The following SORCS2 variants were observed in gnomAD, a reference collection of about 807,000 sequenced individuals.
The protein encoded by SORCS2 is sortilin related VPS10 domain containing receptor 2, also known as VPS10 domain-containing receptor SorCS2.
Under a neutral mutation model 141.6 loss-of-function variants are expected in SORCS2, and 100 were observed. That is an observed-to-expected ratio of 0.71 (90% CI 0.60 to 0.83). The LOEUF (loss-of-function observed/expected upper bound fraction) is 0.83. SORCS2 is among the 40% of genes least tolerant of loss of function. SORCS2 has a pLI of 0.00. For missense variants in SORCS2, 1,646 were observed against 1,560.2 expected (o/e 1.05, Z -0.93); for synonymous variants, 789 against 676.9 (o/e 1.17, Z -2.57).
intron 1 of SORCS2, among the ~76,000 whole-genome samples, chr4:7,228,133 A>C (rs28446641): frequency 0.069 from 10,566 of 152,194 alleles, 714 homozygotes; most frequent in East Asian, 0.27. Context: ...GACAAGATGT[A>C]GGCAGGGTTG....
chr4:7,200,190 C>T (rs780976000), intron 1 of SORCS2, among the ~76,000 whole-genome samples: 1 of 152,048 alleles, frequency 6.6e-6, no homozygotes, highest in Non-Finnish European at 1.5e-5. Context: ...GGGTGGGAAG[C>T]GGGACCACCA....
chr4:7,722,910 C>T (rs902575354), intron 18 of SORCS2, among the ~76,000 whole-genome samples: 6 of 152,056 alleles, frequency 3.9e-5, no homozygotes, highest in African/African-American at 1.2e-4. Context: ...CACTAGGAAA[C>T]GGTTTCCTCG....
chr4:7,474,933 C>G (rs183293171), intron 2 of SORCS2, among the ~76,000 whole-genome samples: 1 of 152,142 alleles, frequency 6.6e-6, no homozygotes, highest in African/African-American at 2.4e-5. Context: ...GGCTTACAGA[C>G]TCCTCCCCCA....
At chr4:7,265,099 G>A (rs1185412549) in intron 1 of SORCS2, among the ~76,000 whole-genome samples, 1 of 152,252 alleles carries the variant, frequency 6.6e-6, no homozygotes, top group African/African-American at 2.4e-5. Flanking sequence ...ATTCGGGGGT[G>A]TGTTAATGTC....
At chr4:7,366,129 G>A (rs1287839243) in intron 1 of SORCS2, among the ~76,000 whole-genome samples, 3 of 152,126 alleles carry the variant, frequency 2.0e-5, no homozygotes, top group Non-Finnish European at 2.9e-5. Context: ...CAGGCTCCCC[G>A]CACATCCCTG....
chr4:7,589,853 G>T (rs149796348), intron 3 of SORCS2, among the ~76,000 whole-genome samples: 438 of 152,322 alleles, frequency 2.9e-3, no homozygotes, highest in African/African-American at 9.6e-3. Context: ...AAATGGCAGA[G>T]CCAAATTTGA....
intron 2 of SORCS2, among the ~76,000 whole-genome samples, chr4:7,411,880 A>G (rs1374212947): frequency 6.6e-6 from 1 of 152,148 alleles, no homozygotes; most frequent in Non-Finnish European, 1.5e-5. Context: ...CAGACACCAC[A>G]GCCTCCCTTC....
intron 1 of SORCS2, among the ~76,000 whole-genome samples, chr4:7,377,196 G>A (rs960486878): frequency 2.6e-5 from 4 of 151,886 alleles, no homozygotes; most frequent in South Asian, 2.1e-4. Flanking sequence ...GATTTGTATC[G>A]TTGATTGAAT....
intron 3 of SORCS2, among the ~76,000 whole-genome samples, chr4:7,589,900 C>T (rs1716798280): frequency 6.6e-6 from 1 of 152,180 alleles, no homozygotes; most frequent in Non-Finnish European, 1.5e-5. Flanking sequence ...TAGAGCAGCG[C>T]AAATATGGAG....
intron 1 of SORCS2, among the ~76,000 whole-genome samples, chr4:7,352,028 A>T (rs1395558955): frequency 6.6e-6 from 1 of 151,906 alleles, no homozygotes; most frequent in Non-Finnish European, 1.5e-5. Flanking sequence ...CCATTAATCC[A>T]TTTATCTACC....
chr4:7,407,530 A>C (rs1725044070), intron 2 of SORCS2, among the ~76,000 whole-genome samples: 1 of 152,120 alleles, frequency 6.6e-6, no homozygotes, highest in South Asian at 2.1e-4. Context: ...AGTTGCATGG[A>C]ATAACTTTTT....
chr4:7,313,145 C>T (rs543967196), intron 1 of SORCS2, among the ~76,000 whole-genome samples: 21 of 152,382 alleles, frequency 1.4e-4, no homozygotes, highest in Admixed American at 4.6e-4. Context: ...AGCAAATGAG[C>T]TACCTCAATG....
intron 1 of SORCS2, among the ~76,000 whole-genome samples, chr4:7,295,955 C>G (rs571899580): frequency 6.6e-6 from 1 of 152,338 alleles, no homozygotes; most frequent in Non-Finnish European, 1.5e-5. Context: ...AGGGGCTTCC[C>G]TGAGGTTGAC....
intron 2 of SORCS2, among the ~76,000 whole-genome samples, chr4:7,506,120 G>T (rs1188657524): frequency 6.6e-6 from 1 of 152,140 alleles, no homozygotes; most frequent in Non-Finnish European, 1.5e-5. Context: ...TGATCCCAGT[G>T]GTAGGGACAC....
intron 4 of SORCS2, among the ~76,000 whole-genome samples, chr4:7,645,985 G>A (rs904076165): frequency 1.6e-4 from 25 of 152,194 alleles, no homozygotes; most frequent in African/African-American, 5.6e-4. Flanking sequence ...TTACTACCTG[G>A]CCCTTTACAG....
chr4:7,507,833 C>G (rs1732370731), intron 2 of SORCS2, among the ~76,000 whole-genome samples: 1 of 151,700 alleles, frequency 6.6e-6, no homozygotes, highest in South Asian at 2.1e-4. Flanking sequence ...AGCCATGCGC[C>G]AAAATAAATT....
intron 1 of SORCS2, among the ~76,000 whole-genome samples, chr4:7,365,650 G>T (rs1249098794): frequency 1.3e-5 from 2 of 152,208 alleles, no homozygotes; most frequent in Non-Finnish European, 2.9e-5. Context: ...CCGCCCAACA[G>T]CTGCTGACAC....
chr4:7,656,327 A>C (rs1721774203), intron 5 of SORCS2, among the ~76,000 whole-genome samples: 1 of 149,182 alleles, frequency 6.7e-6, no homozygotes, highest in African/African-American at 2.4e-5. Flanking sequence ...CAGTGTCTCC[A>C]CGCCCCAGAA....
chr4:7,621,097 G>A (rs951285032), intron 3 of SORCS2, among the ~76,000 whole-genome samples: 12 of 152,138 alleles, frequency 7.9e-5, no homozygotes, highest in African/African-American at 2.7e-4. Context: ...AGGGCCTCTT[G>A]ACCTCAGGCA....
Sources: allele counts gnomAD v4.1 joint callset (sites outside exome capture counted in the v4.1 genomes callset), GRCh38; gene constraint gnomAD v4.1.1; transcripts MANE v1.5; gene names NCBI Gene and HGNC (gene_info 2026-07-23, HGNC 2026-07-21).